Variants in WNT16 observed in about 807,000 individuals in gnomAD.
WNT16 encodes protein Wnt-16.
Under a neutral mutation model 35.4 loss-of-function variants are expected in WNT16, and 20 were observed. The ratio of observed to expected loss-of-function variants is 0.56; its 90% confidence interval spans 0.40 to 0.82. WNT16 has a LOEUF of 0.82. WNT16 is among the 40% of genes least tolerant of loss of function. The pLI, the probability that WNT16 is intolerant of heterozygous loss-of-function variation, is 0.00. For synonymous variants in WNT16, 180 were observed against 179.2 expected (o/e 1.00, Z -0.03); for missense variants, 461 against 466.0 (o/e 0.99, Z 0.10).
At chr7:121,331,485 C>T (rs955442151) in intron 2 of WNT16, among the ~76,000 whole-genome samples, 193 bp from the exon 3 acceptor site, 2 of 151,474 alleles carry the variant, frequency 1.3e-5, no homozygotes, top group Non-Finnish European at 3.0e-5. Flanking sequence ...AAGTGGAATA[C>T]TGAAAATTAA....
upstream of WNT16, chr7:121,328,901 A>G: frequency 2.4e-6 from 1 of 425,338 alleles, no homozygotes; most frequent in Non-Finnish European, 3.2e-6. Context: ...TCCCGAGATG[A>G]TGAGATGCGG....
rs946131778 is a variant in WNT16, at chr7:121,329,873, C to T, written c.346+56C>T. 4.4e-6 allele frequency: 7 copies of T among 1,577,644 alleles called. No individual in the cohort carries two copies. In the Admixed American group the frequency reaches 1.2e-4, roughly 27 times the overall value. On this transcript the variant is annotated intron_variant, in intron 2 of 3. Transcript: ENST00000222462. ...GGACGGAAGGCGACAACTCCTCCACCGGTTCCTGCAAATAAAGTAAATAGT... is the reference window on the plus strand; with the variant it reads ...GGACGGAAGGCGACAACTCCTCCACTGGTTCCTGCAAATAAAGTAAATAGT...
intron 2 of WNT16, 96 bp from the exon 3 acceptor site, chr7:121,331,582 A>C: frequency 2.5e-6 from 3 of 1,181,222 alleles, no homozygotes; most frequent in Non-Finnish European, 3.5e-6. Flanking sequence ...CAACTGAAAA[A>C]TTACTTGTCC....
Position 121,339,370 on chromosome 7 carries a change from A to G in WNT16, c.*25A>G, listed in dbSNP as rs1158551945. 6.3e-7 allele frequency: 1 copy of G among 1,595,270 alleles called. No individual in the cohort carries two copies. The highest frequency in any genetic ancestry group is 8.5e-7 in the Non-Finnish European group (1 of 1,172,342). ...ACCACTCCATCCAGCCTTGGGCAAGATGCCTCAGCAATATACAATGGCATT... is the reference window on the plus strand; with the variant it reads ...ACCACTCCATCCAGCCTTGGGCAAGGTGCCTCAGCAATATACAATGGCATT... On this transcript the variant is annotated 3_prime_UTR_variant, in exon 4 of 4. Transcript: ENST00000222462.
chr7:121,334,971 A>G (rs1208259458), intron 3 of WNT16, among the ~76,000 whole-genome samples: 1 of 152,104 alleles, frequency 6.6e-6, no homozygotes, highest in African/African-American at 2.4e-5. Flanking sequence ...TCATTGACCT[A>G]TTCCAAGAAT....
intron 3 of WNT16, among the ~76,000 whole-genome samples, chr7:121,335,241 CTGCCACA>C (rs1793421967): frequency 6.6e-6 from 1 of 152,112 alleles, no homozygotes; most frequent in Non-Finnish European, 1.5e-5. Context: ...CAATCGCCAA[CTGCCACA>C]TTACCTCTGA....
Position 121,338,958 on chromosome 7 carries a change from A to C in WNT16, c.711A>C (p.Lys237Asn). ...CCTGTGCTGTGAAAACATGCTGGAA[A>C]ACCATGTCTTCTTTTGAAAAGATTG... ...SGSCAVKTCWKTMSSFEKIGH... is the reference protein window; with the variant it reads ...SGSCAVKTCWNTMSSFEKIGH... The change falls in exon 4 of 4, where the codon AAA becomes AAC. Residue 237 changes from lysine to asparagine, a missense_variant. By Grantham distance (94) the Lys-to-Asn change is moderately conservative. Coordinates refer to ENST00000222462, the MANE Select transcript of WNT16 (RefSeq NM_057168.2). 2 of 1,614,196 alleles carry C rather than the reference A, an allele frequency of 1.2e-6. No individual in the cohort carries two copies. Among genetic ancestry groups the C allele is most frequent in the Non-Finnish European group, 1.7e-6 (2 of 1,180,020 alleles).
In WNT16 at chr7:121,329,776, C is replaced by G. The variant is rs777066260; in HGVS notation, c.305C>G (p.Pro102Arg). 5.0e-6 allele frequency: 8 copies of G among 1,607,944 alleles called. No individual in the cohort carries two copies. The African/African-American group carries it at 8.0e-5, about 16-fold the overall frequency. ...CMITAAATTAPMGASPLFGYE... is the reference protein window; with the variant it reads ...CMITAAATTARMGASPLFGYE... Reference sequence around the variant, plus strand: ...ATCACCGCCGCCGCCACTACCGCCCCGATGGGCGCCAGCCCCCTCTTTGGC... The same window carrying G: ...ATCACCGCCGCCGCCACTACCGCCCGGATGGGCGCCAGCCCCCTCTTTGGC... The change falls in exon 2 of 4, where the codon CCG becomes CGG. Residue 102 changes from proline (P) to arginine (R), a missense_variant. Physicochemically the swap from Pro to Arg is moderately radical, Grantham distance 103. Transcript: ENST00000222462.
intron 2 of WNT16, among the ~76,000 whole-genome samples, chr7:121,330,714 G>GAAAAAAA (rs11371537): frequency 1.9e-4 from 17 of 88,066 alleles, no homozygotes; most frequent in African/African-American, 3.7e-4. Context: ...CCCGTAGAGA[G>GAAAAAAA]AAAAAAAAAA....
chr7:121,331,208 A>G (rs1055556392), intron 2 of WNT16, among the ~76,000 whole-genome samples: 1 of 152,190 alleles, frequency 6.6e-6, no homozygotes, highest in Non-Finnish European at 1.5e-5. Context: ...ATTTATGCAA[A>G]CAAAAATCAC....
upstream of WNT16, among the ~76,000 whole-genome samples, chr7:121,325,871 T>C (rs566034128): frequency 6.1e-4 from 92 of 151,266 alleles, no homozygotes; most frequent in African/African-American, 2.0e-3. Flanking sequence ...GAGACCCCTG[T>C]CTCTACACAA....
chr7:121,329,382 C>A lies in WNT16; in HGVS notation c.90C>A (p.Asn30Lys). Residue 30 changes from asparagine (N) to lysine (K), a missense_variant, in exon 1 of 4, where the codon AAC (asparagine) becomes AAA (lysine). Coordinates refer to ENST00000222462, the MANE Select transcript of WNT16 (RefSeq NM_057168.2). ...LVLFPYGAQGNWMWLGIASFG... is the reference protein window; with the variant it reads ...LVLFPYGAQGKWMWLGIASFG... Reference sequence around the variant, plus strand: ...TGTTCCCCTACGGAGCCCAAGGAAACTGGATGTGAGTATGGAGGTGGCAGG... The same window carrying A: ...TGTTCCCCTACGGAGCCCAAGGAAAATGGATGTGAGTATGGAGGTGGCAGG... The A allele has an allele frequency of 3.1e-6, 5 of 1,611,770 alleles. No homozygotes were observed. The highest frequency in any genetic ancestry group is 4.2e-6 in the Non-Finnish European group (5 of 1,178,824).
chr7:121,340,771 C>CATGT lies in WNT16; in HGVS notation c.*1429_*1432dup, dbSNP rs1793519683. ...GTCTTTCTTGTTTTTAATATTCATGCATGTATATTCATCATATTTTACAAG... is the reference window on the plus strand; with the variant it reads ...GTCTTTCTTGTTTTTAATATTCATGCATGTATGTATATTCATCATATTTTACAAG... On this transcript the variant is annotated 3_prime_UTR_variant, in exon 4 of 4. Transcript: ENST00000222462. 1 of 152,194 alleles carries CATGT rather than the reference C, an allele frequency of 6.6e-6. No homozygotes were observed. Among genetic ancestry groups the CATGT allele is most frequent in the Non-Finnish European group, 1.5e-5 (1 of 67,942 alleles). The allele number at this position is 152,194 out of a possible 1,614,324, so 9.4% of individuals were successfully genotyped here.
At position 121,329,589 on chromosome 7, in the gene WNT16, G is replaced by C; in HGVS notation, c.118G>C (p.Gly40Arg). 1.9e-6 allele frequency: 3 copies of C among 1,614,202 alleles called. No homozygotes were observed. The highest frequency in any genetic ancestry group is 2.5e-6 in the Non-Finnish European group (3 of 1,180,030). Residue 40 changes from glycine (G) to arginine (R), a missense_variant, in exon 2 of 4, where the codon GGG becomes CGG. Physicochemically the swap from Gly to Arg is moderately radical, Grantham distance 125. Coordinates refer to ENST00000222462, the MANE Select transcript of WNT16 (RefSeq NM_057168.2). Reference sequence around the variant, plus strand: ...CAGGTGGTTGGGCATTGCCTCCTTCGGGGTTCCAGAGAAGCTGGGCTGCGC... The same window carrying C: ...CAGGTGGTTGGGCATTGCCTCCTTCCGGGTTCCAGAGAAGCTGGGCTGCGC... ...NWMWLGIASF[G>R]VPEKLGCANL...
chr7:121,339,177 C>T lies in WNT16; in HGVS notation c.930C>T (p.Cys310=), dbSNP rs1245527469. 2 of 1,614,212 alleles carry T rather than the reference C, an allele frequency of 1.2e-6. No individual in the cohort carries two copies. The highest frequency in any genetic ancestry group is 1.7e-6 in the Non-Finnish European group (2 of 1,180,030). The change falls in exon 4 of 4, where the codon TGC becomes TGT. Residue 310 remains cysteine, a synonymous_variant. Transcript: ENST00000222462. ...TCCCAGGGACACAAGGCAGAGAATG[C>T]AACCGTACATCAGAGGGTGCAGATG... The part of the protein sequence containing the change: ...LGIPGTQGRE[C]NRTSEGADGC...
upstream of WNT16, among the ~76,000 whole-genome samples, chr7:121,328,093 G>A (rs1412807390): frequency 2.0e-5 from 3 of 152,218 alleles, no homozygotes; most frequent in Non-Finnish European, 4.4e-5. Context: ...TATTTAATAA[G>A]TACGTTTTTA....
chr7:121,331,714 C>T lies in WNT16; in HGVS notation c.383C>T (p.Ala128Val), dbSNP rs562028866. The change falls in exon 3 of 4, where the codon GCT becomes GTT. Residue 128 changes from alanine to valine, a missense_variant. Physicochemically the swap from Ala to Val is moderately conservative, Grantham distance 64 (BLOSUM62 0). Transcript: ENST00000222462. ...KETAFIYAVM[A>V]AGLVHSVTRS... ...ACAGCATTTATTTATGCTGTGATGGCTGCAGGCCTGGTGCATTCTGTGACC... is the reference window on the plus strand; with the variant it reads ...ACAGCATTTATTTATGCTGTGATGGTTGCAGGCCTGGTGCATTCTGTGACC... The T allele has an allele frequency of 6.2e-7, 1 of 1,613,900 alleles. No individual in the cohort carries two copies. The highest frequency in any genetic ancestry group is 2.2e-5 in the East Asian group (1 of 44,860).
At chr7:121,327,332 G>A (rs935377952), upstream of WNT16, among the ~76,000 whole-genome samples, 2 of 150,562 alleles carry the variant, frequency 1.3e-5, no homozygotes, top group Admixed American at 1.3e-4. Flanking sequence ...GAGATAAGCA[G>A]CTAATGCTAT....
chr7:121,335,346 TTTCAC>T (rs1309612378), intron 3 of WNT16, among the ~76,000 whole-genome samples: 1 of 152,080 alleles, frequency 6.6e-6, no homozygotes, highest in East Asian at 1.9e-4. Context: ...ATCTTTCCTA[TTTCAC>T]TTCATTAGAA....
Sources: allele counts gnomAD v4.1 joint callset (sites outside exome capture counted in the v4.1 genomes callset), GRCh38; gene constraint gnomAD v4.1.1; transcripts MANE v1.5; gene names NCBI Gene and HGNC (gene_info 2026-07-23, HGNC 2026-07-21).